The following IFI27L1 variants were observed in gnomAD, a reference collection of about 807,000 sequenced individuals.
The protein encoded by IFI27L1 is interferon alpha-inducible protein 27-like protein 1.
Under a neutral mutation model 9.2 loss-of-function variants are expected in IFI27L1, and 3 were observed. The ratio of observed to expected loss-of-function variants is 0.32; its 90% CI spans 0.15 to 0.84. IFI27L1 has a LOEUF of 0.84. Among genes scored for constraint, IFI27L1 ranks in the 40% least tolerant of loss-of-function variants. IFI27L1 has a pLI of 0.56. For missense variants in IFI27L1, 133 were observed against 134.2 expected (o/e 0.99, Z 0.05); for synonymous variants, 53 against 50.0 (o/e 1.06, Z -0.26).
intron 1 of IFI27L1, among the ~76,000 whole-genome samples, chr14:94,090,684 G>A (rs1034305305): frequency 4.6e-5 from 7 of 152,280 alleles, no homozygotes; most frequent in East Asian, 1.9e-4. Context: ...GGCAAGATAC[G>A]AGGCTAGTTT....
chr14:94,100,632 G>T (rs1886857843), intron 2 of IFI27L1, 107 bp from the exon 3 acceptor site: 5 of 1,593,522 alleles, frequency 3.1e-6, no homozygotes, highest in Non-Finnish European at 4.2e-6. Context: ...CTTCAGAAGA[G>T]GGAAAGAATA....
At chr14:94,086,673 G>C (rs1332057275) in intron 1 of IFI27L1, among the ~76,000 whole-genome samples, 1 of 152,144 alleles carries the variant, frequency 6.6e-6, no homozygotes, top group African/African-American at 2.4e-5. Flanking sequence ...GCAATTACAA[G>C]ACAACAGCCC....
At chr14:94,089,992 T>C (rs1886416942) in intron 1 of IFI27L1, among the ~76,000 whole-genome samples, 1 of 152,168 alleles carries the variant, frequency 6.6e-6, no homozygotes, top group Admixed American at 6.5e-5. Flanking sequence ...TTGAGTAAGC[T>C]CATCCTACAT....
intron 1 of IFI27L1, among the ~76,000 whole-genome samples, chr14:94,088,551 G>T (rs992473833): frequency 6.7e-6 from 1 of 150,066 alleles, no homozygotes; most frequent in South Asian, 2.1e-4. Context: ...CCAGGTTGGA[G>T]TGCAGTGACA....
At chr14:94,097,598 C>G (rs1886718256) in intron 2 of IFI27L1, 1 of 701,768 alleles carries the variant, frequency 1.4e-6, no homozygotes, top group Non-Finnish European at 2.6e-6. Context: ...CTCCAGTCAT[C>G]CCACTGAGAG....
rs115330860 is a variant in IFI27L1, at chr14:94,097,360, G to T, written c.28+395G>T. ...TGCAGTGGCCTTTCTGCAAGGTTGT[G>T]GTTTTCAGAGCATCTTTGTAATAGC... On this transcript the variant is annotated intron_variant, in intron 2 of 4. Coordinates refer to ENST00000555523, the MANE Select transcript of IFI27L1 (RefSeq NM_206949.3). The T allele has an allele frequency of 1.9e-3, 1,074 of 552,660 alleles. 5 individuals carry two copies. The highest frequency in any genetic ancestry group is 0.018 in the African/African-American group (943 of 52,860). The allele number at this position is 552,660 out of a possible 1,614,324, so 34.2% of individuals were successfully genotyped here.
chr14:94,087,284 T>C (rs1004643566), intron 1 of IFI27L1, among the ~76,000 whole-genome samples: 9 of 152,234 alleles, frequency 5.9e-5, no homozygotes, highest in African/African-American at 2.2e-4. Context: ...TGTGTAAGGT[T>C]GTGATGGCCT....
intron 4 of IFI27L1, 119 bp downstream of exon 4, chr14:94,102,094 T>C (rs930363758): frequency 4.8e-6 from 5 of 1,046,334 alleles, no homozygotes; most frequent in Admixed American, 2.0e-5. Context: ...CCCTTTGTCT[T>C]TCTGTCACTG....
At chr14:94,087,527 C>T (rs905736249) in intron 1 of IFI27L1, among the ~76,000 whole-genome samples, 6 of 152,152 alleles carry the variant, frequency 3.9e-5, no homozygotes, top group South Asian at 2.1e-4. Context: ...CCAGGCTTCA[C>T]GCCATTCTCC....
chr14:94,088,473 C>T (rs946628554), intron 1 of IFI27L1, among the ~76,000 whole-genome samples: 1 of 151,142 alleles, frequency 6.6e-6, no homozygotes, highest in Non-Finnish European at 1.5e-5. Context: ...TCAGCTTAGA[C>T]CCTCCTCCTC....
chr14:94,083,236 G>A (rs1235423371), intron 1 of IFI27L1, among the ~76,000 whole-genome samples: 1 of 152,208 alleles, frequency 6.6e-6, no homozygotes, highest in African/African-American at 2.4e-5. Flanking sequence ...TGACTGAATT[G>A]TGGCAATCTC....
Position 94,093,865 on chromosome 14 carries a change from T to C in IFI27L1, c.-51-3022T>C, listed in dbSNP as rs111525216. On this transcript the variant is annotated intron_variant, in intron 1 of 4. Coordinates refer to ENST00000555523, the MANE Select transcript of IFI27L1 (RefSeq NM_206949.3). ...TCAGTGCTCAGGAGCTTGGTAAATA[T>C]GTTTTGAATGAAAGAATGAGTGAAG... 3.3e-3 allele frequency among the ~76,000 whole-genome samples: 505 copies of C among 152,262 alleles called. 4 individuals are homozygous for C. In the Middle Eastern group the frequency reaches 0.058, roughly 17 times the overall value.
At chr14:94,100,544 T>C (rs1370651687) in intron 2 of IFI27L1, 195 bp from the exon 3 acceptor site, 1 of 985,370 alleles carries the variant, frequency 1.0e-6, no homozygotes, top group Non-Finnish European at 1.2e-6. Flanking sequence ...TGGGGAGGCT[T>C]CCTGCAGAAG....
chr14:94,088,185 CA>C (rs1886345016), intron 1 of IFI27L1: 10 of 696,918 alleles, frequency 1.4e-5, no homozygotes, highest in South Asian at 9.0e-5. Context: ...GGAAGGGACA[CA>C]GGGGCTGTGC....
chr14:94,095,299 G>A (rs1385244409), intron 1 of IFI27L1, among the ~76,000 whole-genome samples: 1 of 152,118 alleles, frequency 6.6e-6, no homozygotes, highest in African/African-American at 2.4e-5. Flanking sequence ...AGCCTCCCAA[G>A]TAACTGGGAT....
chr14:94,102,692 A>G lies in IFI27L1; in HGVS notation c.*124A>G, dbSNP rs1886949332. 1.9e-6 allele frequency: 1 copy of G among 534,078 alleles called. No homozygotes were observed. 33.1% of individuals were successfully genotyped at this position (534,078 alleles called of 1,614,324 possible). A position where few individuals can be genotyped will look rare whatever the true frequency, so the allele number is the denominator to read the frequency against. On this transcript the variant is annotated 3_prime_UTR_variant, in exon 5 of 5. Coordinates refer to ENST00000555523, the MANE Select transcript of IFI27L1 (RefSeq NM_206949.3). ...ACTATTTAAGGAAGCATGAAAAATAAAGATGCTGGTTATCTTCTCCTAGTG... is the reference window on the plus strand; with the variant it reads ...ACTATTTAAGGAAGCATGAAAAATAGAGATGCTGGTTATCTTCTCCTAGTG...
intron 2 of IFI27L1, chr14:94,097,599 C>T: frequency 2.8e-6 from 2 of 701,916 alleles, no homozygotes; most frequent in Non-Finnish European, 5.2e-6. Context: ...TCCAGTCATC[C>T]CACTGAGAGA....
chr14:94,087,330 T>C (rs1488468114), intron 1 of IFI27L1, among the ~76,000 whole-genome samples: 3 of 152,262 alleles, frequency 2.0e-5, no homozygotes, highest in African/African-American at 7.2e-5. Context: ...ATGATAGTTT[T>C]GTTCTCAGGC....
At chr14:94,101,731 C>A in intron 3 of IFI27L1, 83 bp from the exon 4 acceptor site, 1 of 1,444,920 alleles carries the variant, frequency 6.9e-7, no homozygotes, top group South Asian at 1.2e-5. Flanking sequence ...CAGACCCCTC[C>A]TCCTCATCGC....
Sources: gnomAD v4.1 joint callset for allele counts (sites outside exome capture counted in the v4.1 genomes callset) on GRCh38, gnomAD v4.1.1 for gene constraint, MANE v1.5 for transcripts, NCBI Gene and HGNC (gene_info 2026-07-23, HGNC 2026-07-21) for gene names.